Variants in SPATA32 observed in about 807,000 individuals in gnomAD.
SPATA32 encodes the protein spermatogenesis associated 32.
SPATA32 carries 28 observed loss-of-function variants against 35.4 expected under a neutral mutation model. The ratio of observed to expected loss-of-function variants is 0.79; its 90% CI spans 0.59 to 1.09. SPATA32 has a LOEUF of 1.09. Ranked by LOEUF, SPATA32 falls within the 50% of genes least tolerant of loss-of-function variation. The probability of loss-of-function intolerance (pLI) is 0.00; values close to 1 mark genes in which losing one functional copy is unlikely to be tolerated. For missense variants in SPATA32, 409 were observed against 475.9 expected (o/e 0.86, Z 1.31); for synonymous variants, 168 against 196.3 (o/e 0.86, Z 1.20).
At chr17:45,257,768 C>CACTG (rs1200295047) in intron 1 of SPATA32, among the ~76,000 whole-genome samples, 2 of 152,198 alleles carry the variant, frequency 1.3e-5, no homozygotes, top group African/African-American at 4.8e-5. Context: ...GGTCATCCAT[C>CACTG]ACTGACTCCA....
chr17:45,261,793 A>C (rs1598231635), intron 1 of SPATA32: 1 of 443,538 alleles, frequency 2.3e-6, no homozygotes, highest in East Asian at 3.5e-5. Flanking sequence ...ATGGGTGTGC[A>C]CCGCGCAGGG....
rs2043955815 is a variant in SPATA32, at chr17:45,256,212, T to C, written c.109-139A>G. The C allele has an allele frequency of 3.4e-6, 4 of 1,182,986 alleles. No homozygotes were observed. In the South Asian group the frequency reaches 5.3e-5, roughly 16 times the overall value. The allele number at this position is 1,182,986 out of a possible 1,614,324, so 73.3% of individuals were successfully genotyped here. A position where few individuals can be genotyped will look rare whatever the true frequency, so the allele number is the denominator to read the frequency against. ...CCCGCCCCCTAACCCCATGCCTGCCTCCTCTCAGAGACCTGCCCGGTGAGG... is the reference window on the plus strand; with the variant it reads ...CCCGCCCCCTAACCCCATGCCTGCCCCCTCTCAGAGACCTGCCCGGTGAGG... On this transcript the variant is annotated intron_variant, in intron 3 of 4. Transcript: ENST00000331780. The surrounding 1 kb of genome is among the most constrained non-coding windows in gnomAD (Gnocchi z 4.7).
chr17:45,256,163 T>C lies in SPATA32; in HGVS notation c.109-90A>G. On this transcript the variant is annotated intron_variant, in intron 3 of 4. Coordinates refer to ENST00000331780, the MANE Select transcript of SPATA32 (RefSeq NM_152343.3). This position sits in a 1 kb window ranked among gnomAD's most constrained non-coding sequence, Gnocchi z 4.7. ...TGGCACCGAGTCCCTGCCCCACCCC[T>C]GCCCTGGGTCCTGCTGTCTTCCCCC... is the stretch of plus-strand genomic sequence containing the variant. The C allele has an allele frequency of 7.3e-7, 1 of 1,368,732 alleles. No individual in the cohort carries two copies. Among genetic ancestry groups the C allele is most frequent in the Non-Finnish European group, 1.0e-6 (1 of 993,444 alleles). 84.8% of individuals were successfully genotyped at this position (1,368,732 alleles called of 1,614,324 possible).
At position 45,256,327 on chromosome 17, in the gene SPATA32, C is replaced by A; in HGVS notation, c.108+49G>T. The A allele has an allele frequency of 6.3e-7, 1 of 1,585,700 alleles. No homozygotes were observed. Among genetic ancestry groups the A allele is most frequent in the Non-Finnish European group, 8.7e-7 (1 of 1,153,978 alleles). On this transcript the variant is annotated intron_variant, in intron 3 of 4. Transcript: ENST00000331780. This position sits in a 1 kb window ranked among gnomAD's most constrained non-coding sequence, Gnocchi z 4.7. ...GGCTGGTGGGGACTTAGGGAAGAGCCCTGCCGCTTGCCTACCACCTCCCCG... is the reference window on the plus strand; with the variant it reads ...GGCTGGTGGGGACTTAGGGAAGAGCACTGCCGCTTGCCTACCACCTCCCCG...
chr17:45,259,837 T>C (rs1476359465), intron 1 of SPATA32: 1 of 152,084 alleles, frequency 6.6e-6, no homozygotes, highest in Admixed American at 6.6e-5. Flanking sequence ...TTTTTTAAAA[T>C]GTTAAATCAG....
rs780231460 is a variant in SPATA32 at position 45,257,153 on chromosome 17, C to T, written c.68G>A (p.Arg23Gln). 1.9e-5 allele frequency: 30 copies of T among 1,612,044 alleles called. No individual in the cohort carries two copies. The highest frequency in any genetic ancestry group is 1.4e-4 in the South Asian group (13 of 90,796). The stretch of plus-strand genomic sequence containing the variant: ...TACGTTGATTGAGGATGGTTCTCAC[C>T]GCATCTCTGCAACCTCCACTGACCC... ...GKGSVEVAEM[R>Q]DDLSQHQIQE... Residue 23 changes from arginine to glutamine, a missense_variant and splice_region_variant, in exon 2 of 5, where the codon CGA becomes CAA. Coordinates refer to ENST00000331780, the MANE Select transcript of SPATA32 (RefSeq NM_152343.3).
chr17:45,257,133 T>C lies in SPATA32; in HGVS notation c.68+20A>G. 1 of 1,611,342 alleles carries C rather than the reference T, an allele frequency of 6.2e-7. No individual in the cohort carries two copies. Among genetic ancestry groups the C allele is most frequent in the Non-Finnish European group, 8.5e-7 (1 of 1,179,504 alleles). On this transcript the variant is annotated intron_variant, in intron 2 of 4. Coordinates refer to ENST00000331780, the MANE Select transcript of SPATA32 (RefSeq NM_152343.3). ...GGAGGGCTCGGGGGAGGCCCTACGT[T>C]GATTGAGGATGGTTCTCACCGCATC...
chr17:45,255,803 A>G lies in SPATA32; in HGVS notation c.379T>C (p.Trp127Arg), dbSNP rs2143719884. 1 of 1,614,136 alleles carries G rather than the reference A, an allele frequency of 6.2e-7. No homozygotes were observed. Among genetic ancestry groups the G allele is most frequent in the Middle Eastern group, 1.6e-4 (1 of 6,062 alleles). ...GLPTPQTFRP[W>R]SLNSNCRSFT... ...CTCCGGCAGTTTGAATTCAGACTCC[A>G]CGGTCTGAAGGTCTGTGGCGTGGGC... is the stretch of plus-strand genomic sequence containing the variant. The change falls in exon 4 of 5, where the codon TGG (tryptophan) becomes CGG (arginine). Residue 127 changes from tryptophan to arginine, a missense_variant. Physicochemically the swap from Trp to Arg is moderately radical, Grantham distance 101. Coordinates refer to ENST00000331780, the MANE Select transcript of SPATA32 (RefSeq NM_152343.3). The surrounding 1 kb of genome is among the most constrained non-coding windows in gnomAD (Gnocchi z 5.4).
In SPATA32 at chr17:45,256,489, C is replaced by G; in HGVS notation, c.69-74G>C. ...GCGGGAAGGGGGTTTCTGGGGCCCT[C>G]AAAGCCCTCTGCCTTGTAACAGAAG... On this transcript the variant is annotated intron_variant, in intron 2 of 4. Coordinates refer to ENST00000331780, the MANE Select transcript of SPATA32 (RefSeq NM_152343.3). The surrounding 1 kb of genome is among the most constrained non-coding windows in gnomAD (Gnocchi z 4.7). 1 of 1,346,810 alleles carries G rather than the reference C, an allele frequency of 7.4e-7. No homozygotes were observed. Among genetic ancestry groups the G allele is most frequent in the Non-Finnish European group, 1.1e-6 (1 of 937,150 alleles). The allele number at this position is 1,346,810 out of a possible 1,614,324, so 83.4% of individuals were successfully genotyped here. A position where few individuals can be genotyped will look rare whatever the true frequency, so the allele number is the denominator to read the frequency against.
At chr17:45,258,696 G>A (rs1296035659) in intron 1 of SPATA32, among the ~76,000 whole-genome samples, 1 of 152,182 alleles carries the variant, frequency 6.6e-6, no homozygotes, top group Admixed American at 6.5e-5. Flanking sequence ...GTGTAGTGGT[G>A]TGATCTCGGC....
intron 2 of SPATA32, 26 bp downstream of exon 2, chr17:45,257,127 C>T: frequency 6.2e-7 from 1 of 1,610,730 alleles, no homozygotes; most frequent in African/African-American, 1.3e-5. Flanking sequence ...GGGGGAGGCC[C>T]TACGTTGATT....
chr17:45,255,014 C>T lies in SPATA32; in HGVS notation c.1067+101G>A. 1 of 1,132,410 alleles carries T rather than the reference C, an allele frequency of 8.8e-7. No homozygotes were observed. The highest frequency in any genetic ancestry group is 1.3e-6 in the Non-Finnish European group (1 of 785,324). 70.1% of individuals were successfully genotyped at this position (1,132,410 alleles called of 1,614,324 possible). A position where few individuals can be genotyped will look rare whatever the true frequency, so the allele number is the denominator to read the frequency against. ...CAGCCCACCACATCCTGCTCCCAGG[C>T]CCTCATTCCACTGTTCCCCACCCCT... On this transcript the variant is annotated intron_variant, in intron 4 of 4. Coordinates refer to ENST00000331780, the MANE Select transcript of SPATA32 (RefSeq NM_152343.3). The surrounding 1 kb of genome is among the most constrained non-coding windows in gnomAD (Gnocchi z 5.4).
At position 45,256,039 on chromosome 17, in the gene SPATA32, A is replaced by G; in HGVS notation, c.143T>C (p.Leu48Pro). 1.2e-6 allele frequency: 2 copies of G among 1,611,458 alleles called. No homozygotes were observed. Among genetic ancestry groups the G allele is most frequent in the Non-Finnish European group, 1.7e-6 (2 of 1,178,808 alleles). The part of the protein sequence containing the change: ...EADMLEQKPQ[L>P]QVDLDLDPDP... ...TGGGTCCAGGTCCAGGTCCACTTGG[A>G]GTTGGGGCTTCTGCTCTAGCATGTC... The change falls in exon 4 of 5, where the codon CTC becomes CCC. Residue 48 changes from leucine to proline, a missense_variant. Physicochemically the swap from Leu to Pro is moderately conservative, Grantham distance 98. Coordinates refer to ENST00000331780, the MANE Select transcript of SPATA32 (RefSeq NM_152343.3). The surrounding 1 kb of genome is among the most constrained non-coding windows in gnomAD (Gnocchi z 4.7).
chr17:45,256,492 A>T lies in SPATA32; in HGVS notation c.69-77T>A. On this transcript the variant is annotated intron_variant, in intron 2 of 4. Coordinates refer to ENST00000331780, the MANE Select transcript of SPATA32 (RefSeq NM_152343.3). This position sits in a 1 kb window ranked among gnomAD's most constrained non-coding sequence, Gnocchi z 4.7. Reference sequence around the variant, plus strand: ...GGAAGGGGGTTTCTGGGGCCCTCAAAGCCCTCTGCCTTGTAACAGAAGCTG... The same window carrying T: ...GGAAGGGGGTTTCTGGGGCCCTCAATGCCCTCTGCCTTGTAACAGAAGCTG... The T allele has an allele frequency of 7.6e-7, 1 of 1,317,566 alleles. No individual in the cohort carries two copies. The highest frequency in any genetic ancestry group is 1.1e-6 in the Non-Finnish European group (1 of 910,986). 81.6% of individuals were successfully genotyped at this position (1,317,566 alleles called of 1,614,324 possible).
intron 1 of SPATA32, among the ~76,000 whole-genome samples, chr17:45,259,591 A>C (rs1029622369): frequency 7.2e-5 from 11 of 152,076 alleles, no homozygotes; most frequent in Admixed American, 6.5e-4. Flanking sequence ...TCAGTGGCGC[A>C]ATTTCAGCAA....
Position 45,257,176 on chromosome 17 carries a change from C to T in SPATA32, c.45G>A (p.Gly15=), listed in dbSNP as rs1481543211. ...GAHGFPCCGK[G]SVEVAEMRDD... Reference sequence around the variant, plus strand: ...ACCGCATCTCTGCAACCTCCACTGACCCTTTGCCGCAGCATGGAAATCCAT... The same window carrying T: ...ACCGCATCTCTGCAACCTCCACTGATCCTTTGCCGCAGCATGGAAATCCAT... The change falls in exon 2 of 5, where the codon GGG becomes GGA. Residue 15 remains glycine, a synonymous_variant. Coordinates refer to ENST00000331780, the MANE Select transcript of SPATA32 (RefSeq NM_152343.3). 3 of 1,612,600 alleles carry T rather than the reference C, an allele frequency of 1.9e-6. No individual in the cohort carries two copies. In the African/African-American group the frequency reaches 4.0e-5, roughly 22 times the overall value.
intron 1 of SPATA32, among the ~76,000 whole-genome samples, chr17:45,259,245 C>A (rs1167034019): frequency 6.6e-6 from 1 of 152,146 alleles, no homozygotes; most frequent in African/African-American, 2.4e-5. Flanking sequence ...TTTAGCCTTT[C>A]ACCATTAAGG....
rs1421654081 is a variant in SPATA32, at chr17:45,256,173, C to T, written c.109-100G>A. 1.5e-6 allele frequency: 2 copies of T among 1,368,002 alleles called. No homozygotes were observed. The highest frequency in any genetic ancestry group is 2.9e-5 in the African/African-American group (2 of 69,440). The allele number at this position is 1,368,002 out of a possible 1,614,324, so 84.7% of individuals were successfully genotyped here. A position where few individuals can be genotyped will look rare whatever the true frequency, so the allele number is the denominator to read the frequency against. On this transcript the variant is annotated intron_variant, in intron 3 of 4. Transcript: ENST00000331780. The surrounding 1 kb of genome is among the most constrained non-coding windows in gnomAD (Gnocchi z 4.7). Reference sequence around the variant, plus strand: ...TCCCTGCCCCACCCCTGCCCTGGGTCCTGCTGTCTTCCCCCCGCCCCCTAA... The same window carrying T: ...TCCCTGCCCCACCCCTGCCCTGGGTTCTGCTGTCTTCCCCCCGCCCCCTAA...
rs1299492063 is a variant in SPATA32, at chr17:45,257,320, A to G, written c.14-113T>C. ...CTTCTTTTCTCTCTTCCCGGCTGCT[A>G]TTCCCCCTCACCGTCCTGCCCCGCT... is the stretch of plus-strand genomic sequence containing the variant. On this transcript the variant is annotated intron_variant, in intron 1 of 4. Coordinates refer to ENST00000331780, the MANE Select transcript of SPATA32 (RefSeq NM_152343.3). The G allele has an allele frequency of 2.5e-6, 3 of 1,197,804 alleles. 1 individual carries two copies. Among genetic ancestry groups the G allele is most frequent in the Non-Finnish European group, 3.6e-6 (3 of 836,780 alleles). The allele number at this position is 1,197,804 out of a possible 1,614,324, so 74.2% of individuals were successfully genotyped here.
Sources: allele counts gnomAD v4.1 joint callset (sites outside exome capture counted in the v4.1 genomes callset), GRCh38; gene constraint gnomAD v4.1.1; non-coding constraint Gnocchi (gnomAD v3.1); transcripts MANE v1.5; gene names NCBI Gene and HGNC (gene_info 2026-07-23, HGNC 2026-07-21).